USP15: variants seen among roughly 807,000 people sequenced by gnomAD.
USP15 encodes ubiquitin carboxyl-terminal hydrolase 15.
Under a neutral mutation model 127.1 loss-of-function variants are expected in USP15, and 18 were observed. The observed-to-expected ratio is 0.14, with a 90% CI of 0.10 to 0.21. The LOEUF (loss-of-function observed/expected upper bound fraction) is 0.21. Among genes scored for constraint, USP15 ranks in the 10% least tolerant of loss-of-function variants. USP15 has a pLI of 1.00. For synonymous variants in USP15, 364 were observed against 393.7 expected (o/e 0.92, Z 0.89); for missense variants, 805 against 1,159.9 (o/e 0.69, Z 4.44).
In USP15 at chr12:62,411,074, A is replaced by C. The variant is rs183522598; in HGVS notation, c.*6699A>C. 4 of 152,330 alleles carry C rather than the reference A, an allele frequency of 2.6e-5. No homozygotes were observed. In the East Asian group the frequency reaches 7.7e-4, roughly 29 times the overall value. The allele number at this position is 152,330 out of a possible 1,614,324, so 9.4% of individuals were successfully genotyped here. On this transcript the variant is annotated 3_prime_UTR_variant, in exon 22 of 22. Transcript: ENST00000280377. The stretch of plus-strand genomic sequence containing the variant: ...ATTCCTAACCCACAAAAACTGTGAG[A>C]TAACAGATGTTTGTGTTTTTAGCTG...
At position 62,294,504 on chromosome 12, in the gene USP15, T is replaced by C. The variant is rs922906110; in HGVS notation, c.217+198T>C. The C allele has an allele frequency of 1.7e-5, 8 of 477,424 alleles. No individual in the cohort carries two copies. The Admixed American group carries it at 3.5e-4, about 21-fold the overall frequency. 29.6% of individuals were successfully genotyped at this position (477,424 alleles called of 1,614,324 possible). On this transcript the variant is annotated intron_variant, in intron 2 of 21. Coordinates refer to ENST00000280377, the MANE Select transcript of USP15 (RefSeq NM_001252078.2). Reference sequence around the variant, plus strand: ...TTATTCTGTATGACAAGTTTTGTTTTTCATTTATGATGTAATAAGGTTTTA... The same window carrying C: ...TTATTCTGTATGACAAGTTTTGTTTCTCATTTATGATGTAATAAGGTTTTA...
At position 62,410,853 on chromosome 12, in the gene USP15, T is replaced by G. The variant is rs956610287; in HGVS notation, c.*6478T>G. ...GTCAAGTTAATATTTGTTTTTGTTT[T>G]TTTTTTTTTTTAATTTTGGGCCTCA... On this transcript the variant is annotated 3_prime_UTR_variant, in exon 22 of 22. Transcript: ENST00000280377. 2 of 95,870 alleles carry G rather than the reference T, an allele frequency of 2.1e-5. No homozygotes were observed. Among genetic ancestry groups the G allele is most frequent in the South Asian group, 3.1e-4 (1 of 3,244 alleles). The allele number at this position is 95,870 out of a possible 1,614,324, so 5.9% of individuals were successfully genotyped here.
intron 1 of USP15, among the ~76,000 whole-genome samples, chr12:62,282,263 G>C (rs2063672990): frequency 6.6e-6 from 1 of 152,140 alleles, no homozygotes; most frequent in Non-Finnish European, 1.5e-5. Flanking sequence ...GGGAGGTTGA[G>C]ACTACAGTGA....
chr12:62,330,173 T>C (rs2065248508), intron 6 of USP15, among the ~76,000 whole-genome samples: 1 of 151,590 alleles, frequency 6.6e-6, no homozygotes, highest in Non-Finnish European at 1.5e-5. Context: ...GTAGAGATAA[T>C]AGGAGGAAAG....
At position 62,416,026 on chromosome 12, in the gene USP15, G is replaced by A. The variant is rs981030934; in HGVS notation, c.*11651G>A. 1 of 152,160 alleles carries A rather than the reference G, an allele frequency of 6.6e-6. No homozygotes were observed. Among genetic ancestry groups the A allele is most frequent in the Non-Finnish European group, 1.5e-5 (1 of 68,036 alleles). 9.4% of individuals were successfully genotyped at this position (152,160 alleles called of 1,614,324 possible). ...GAGTATGGTACAGTCAGTCCACCCA[G>A]GTTGCCTGTTAACCTGGTGCTTGAA... is the stretch of plus-strand genomic sequence containing the variant. On this transcript the variant is annotated 3_prime_UTR_variant, in exon 22 of 22. Coordinates refer to ENST00000280377, the MANE Select transcript of USP15 (RefSeq NM_001252078.2).
chr12:62,263,399 C>T (rs1403609292), intron 1 of USP15, among the ~76,000 whole-genome samples: 1 of 152,164 alleles, frequency 6.6e-6, no homozygotes. Context: ...AGCTTTTGAG[C>T]ACTTTGCAGA....
rs112581623 is a variant in USP15 at position 62,343,278 on chromosome 12, G to A, written c.684-5943G>A. Among the ~76,000 whole-genome samples, 485 of 152,200 alleles carry A rather than the reference G, an allele frequency of 3.2e-3. 1 individual carries two copies. The highest frequency in any genetic ancestry group is 0.01 in the African/African-American group (416 of 41,532). ...GCCCCTCCCCTAAACAAGCTCGATCGTCCCAGGTCAACTCCAGACCTGTGC... is the reference window on the plus strand; with the variant it reads ...GCCCCTCCCCTAAACAAGCTCGATCATCCCAGGTCAACTCCAGACCTGTGC... On this transcript the variant is annotated intron_variant, in intron 6 of 21. Coordinates refer to ENST00000280377, the MANE Select transcript of USP15 (RefSeq NM_001252078.2).
chr12:62,262,772 T>G (rs2063104755), intron 1 of USP15, among the ~76,000 whole-genome samples: 1 of 152,182 alleles, frequency 6.6e-6, no homozygotes, highest in Non-Finnish European at 1.5e-5. Context: ...AAAATGCTAG[T>G]ATTACAAGTA....
chr12:62,350,657 C>T (rs919799069), intron 7 of USP15, among the ~76,000 whole-genome samples: 2 of 152,212 alleles, frequency 1.3e-5, no homozygotes. Context: ...TAGGATCTCA[C>T]CCTGTCACCC....
intron 8 of USP15, among the ~76,000 whole-genome samples, chr12:62,369,347 A>G (rs1436439868): frequency 6.6e-6 from 1 of 152,200 alleles, no homozygotes; most frequent in East Asian, 1.9e-4. Flanking sequence ...AGCTTATGCT[A>G]GTTTCTACAT....
chr12:62,312,357 A>AT, intron 3 of USP15: 1 of 233,356 alleles, frequency 4.3e-6, no homozygotes, highest in East Asian at 1.3e-4. Flanking sequence ...AGGGTAGACT[A>AT]TATTAGGTTT....
At chr12:62,362,042 A>G (rs2066334129) in intron 8 of USP15, among the ~76,000 whole-genome samples, 1 of 151,800 alleles carries the variant, frequency 6.6e-6, no homozygotes, top group African/African-American at 2.4e-5. Context: ...TTTTCACTTA[A>G]TTTTCTCTTC....
At chr12:62,337,831 A>G (rs1041311135) in intron 6 of USP15, among the ~76,000 whole-genome samples, 2 of 152,140 alleles carry the variant, frequency 1.3e-5, no homozygotes, top group African/African-American at 2.4e-5. Context: ...TTATGGCTGC[A>G]TAGTATTCCA....
chr12:62,320,852 A>C (rs951671281), intron 4 of USP15, among the ~76,000 whole-genome samples: 1 of 152,044 alleles, frequency 6.6e-6, no homozygotes, highest in African/African-American at 2.4e-5. Context: ...TATTTTCTTG[A>C]GTTGATTAGG....
At chr12:62,332,603 A>T (rs574552266) in intron 6 of USP15, among the ~76,000 whole-genome samples, 2 of 152,292 alleles carry the variant, frequency 1.3e-5, no homozygotes, top group East Asian at 3.9e-4. Flanking sequence ...TTGTCAAAAG[A>T]TATGTGCTTA....
chr12:62,268,956 A>T (rs193062995), intron 1 of USP15, among the ~76,000 whole-genome samples: 1 of 152,182 alleles, frequency 6.6e-6, no homozygotes, highest in East Asian at 1.9e-4. Flanking sequence ...TTCTGTCTTT[A>T]TATATTTGCC....
intron 8 of USP15, among the ~76,000 whole-genome samples, chr12:62,376,200 T>G (rs2066823146): frequency 6.6e-6 from 1 of 152,070 alleles, no homozygotes; most frequent in African/African-American, 2.4e-5. Context: ...CATAGGAGCA[T>G]TTGAAAATAT....
intron 7 of USP15, among the ~76,000 whole-genome samples, chr12:62,353,013 A>G (rs555006201): frequency 1.3e-5 from 2 of 152,128 alleles, no homozygotes; most frequent in African/African-American, 4.8e-5. Context: ...ATAGTCATGA[A>G]AGGTACTAGA....
chr12:62,393,321 A>AGTTT, intron 19 of USP15, 119 bp downstream of exon 19: 3 of 1,261,130 alleles, frequency 2.4e-6, no homozygotes, highest in Non-Finnish European at 3.2e-6. Flanking sequence ...TCAGCTTTCA[A>AGTTT]GTTTGTTTTT....
Sources: allele counts gnomAD v4.1 joint callset (sites outside exome capture counted in the v4.1 genomes callset), GRCh38; gene constraint gnomAD v4.1.1; transcripts MANE v1.5; gene names NCBI Gene and HGNC (gene_info 2026-07-23, HGNC 2026-07-21).